The following KLHL8 variants were observed in gnomAD, a reference collection of about 807,000 sequenced individuals.
KLHL8 encodes kelch-like protein 8.
KLHL8 carries 38 observed loss-of-function variants against 63.5 expected under a neutral mutation model. The ratio of observed to expected loss-of-function variants is 0.60; its 90% confidence interval spans 0.46 to 0.78. The LOEUF is 0.78. Ranked by LOEUF, KLHL8 falls within the 30% of genes least tolerant of loss-of-function variation. The pLI is 0.00. For missense variants in KLHL8, 566 were observed against 752.4 expected (o/e 0.75, Z 2.90); for synonymous variants, 224 against 254.3 (o/e 0.88, Z 1.13).
intron 6 of KLHL8, among the ~76,000 whole-genome samples, chr4:87,174,402 C>A (rs571272735): frequency 2.0e-5 from 3 of 151,928 alleles, no homozygotes; most frequent in East Asian, 3.9e-4. Context: ...CCTTAGCCTC[C>A]GCAGCAGCTG....
chr4:87,194,921 T>A (rs1731634878), intron 2 of KLHL8, among the ~76,000 whole-genome samples: 1 of 152,164 alleles, frequency 6.6e-6, no homozygotes, highest in East Asian at 1.9e-4. Flanking sequence ...TATAGCTGAG[T>A]AAACAATCCA....
Position 87,226,899 on chromosome 4 carries a change from AATATATAATATATAAATAAT to A in KLHL8, n.58-5529_58-5510del, listed in dbSNP as rs1364464283. 1.9e-3 allele frequency among the ~76,000 whole-genome samples: 73 copies of A among 37,778 alleles called. 24 individuals are homozygous for A. Among genetic ancestry groups the A allele is most frequent in the African/African-American group, 5.8e-3 (54 of 9,330 alleles). 24.8% of individuals were successfully genotyped at this position (37,778 alleles called of 152,430 possible). ...TAAATAATATATATTATATATAAAT[AATATATAATATATAAATAAT>A]ATATATATTATATATAAATAATATA... On this transcript the variant is annotated intron_variant and non_coding_transcript_variant, in intron 1 of 1. Coordinates refer to the KLHL8 transcript ENST00000506274.
chr4:87,212,549 C>G lies in KLHL8; in HGVS notation c.-152+7869G>C, dbSNP rs576472026. ...TGAGCCATGATCTTGCCAGTGGACTCCAGCCTAAGCGACACAGTGAGACCT... is the reference window on the plus strand; with the variant it reads ...TGAGCCATGATCTTGCCAGTGGACTGCAGCCTAAGCGACACAGTGAGACCT... On this transcript the variant is annotated intron_variant, in intron 1 of 9. Transcript: ENST00000273963. 4.6e-5 allele frequency among the ~76,000 whole-genome samples: 7 copies of G among 151,964 alleles called. No homozygotes were observed. The South Asian group carries it at 1.5e-3, about 32-fold the overall frequency.
At chr4:87,218,045 T>A (rs1419770561) in intron 1 of KLHL8, among the ~76,000 whole-genome samples, 1 of 152,156 alleles carries the variant, frequency 6.6e-6, no homozygotes, top group Non-Finnish European at 1.5e-5. Context: ...ATCCTAACTG[T>A]GGATGTGATA....
chr4:87,237,518 T>C (rs1192887857), intron 1 of KLHL8, among the ~76,000 whole-genome samples: 2 of 152,174 alleles, frequency 1.3e-5, no homozygotes, highest in African/African-American at 4.8e-5. Context: ...AACATACTGA[T>C]GCAGTCATTG....
chr4:87,171,026 C>A (rs2149830851), intron 6 of KLHL8, among the ~76,000 whole-genome samples: 1 of 152,230 alleles, frequency 6.6e-6, no homozygotes, highest in East Asian at 1.9e-4. Context: ...TTACAGAGCT[C>A]ATTTTGTTGC....
intron 1 of KLHL8, among the ~76,000 whole-genome samples, chr4:87,231,097 G>A (rs1410688641): frequency 2.0e-5 from 3 of 152,064 alleles, no homozygotes; most frequent in South Asian, 2.1e-4. Flanking sequence ...CCCTGAAAGC[G>A]GATTTCAACC....
intron 8 of KLHL8, among the ~76,000 whole-genome samples, chr4:87,165,005 T>C (rs529029000): frequency 6.9e-4 from 104 of 151,734 alleles, no homozygotes; most frequent in East Asian, 3.9e-3. Context: ...AAAAATTAGC[T>C]GGGCATGGTG....
At chr4:87,222,257 A>G (rs1436656674), upstream of KLHL8, among the ~76,000 whole-genome samples, 1 of 152,214 alleles carries the variant, frequency 6.6e-6, no homozygotes, top group East Asian at 1.9e-4. Flanking sequence ...GTATGGGCTC[A>G]ACACACTTTT....
chr4:87,220,162 G>C (rs926551258), intron 1 of KLHL8: 2 of 152,596 alleles, frequency 1.3e-5, no homozygotes, highest in Non-Finnish European at 2.9e-5. Context: ...CCGCCAATGG[G>C]GGCGACAAAA....
At chr4:87,234,066 A>T (rs1733184382) in intron 1 of KLHL8, among the ~76,000 whole-genome samples, 1 of 152,208 alleles carries the variant, frequency 6.6e-6, no homozygotes, top group Non-Finnish European at 1.5e-5. Flanking sequence ...AGATGTAGAG[A>T]TACTTTAAAG....
intron 7 of KLHL8, 56 bp downstream of exon 7, chr4:87,170,391 T>G: frequency 1.3e-6 from 2 of 1,527,328 alleles, no homozygotes; most frequent in Middle Eastern, 1.8e-4. Context: ...CCTTTCCTTA[T>G]TTTGGTTATG....
At chr4:87,230,559 A>G (rs1384986373) in intron 1 of KLHL8, among the ~76,000 whole-genome samples, 1 of 152,210 alleles carries the variant, frequency 6.6e-6, no homozygotes, top group Non-Finnish European at 1.5e-5. Flanking sequence ...TTAAACATAG[A>G]AATGCCTCTC....
In KLHL8 at chr4:87,185,236, T is replaced by C; in HGVS notation, c.765+15A>G. Reference sequence around the variant, plus strand: ...ATCACTTCATTTCTGTGTGAAATCTTATTTCAGCTCCTACCTGTGCAAGTG... The same window carrying C: ...ATCACTTCATTTCTGTGTGAAATCTCATTTCAGCTCCTACCTGTGCAAGTG... On this transcript the variant is annotated intron_variant, in intron 3 of 9. Transcript: ENST00000273963. 1 of 1,584,186 alleles carries C rather than the reference T, an allele frequency of 6.3e-7. No individual in the cohort carries two copies. The highest frequency in any genetic ancestry group is 1.8e-5 in the Admixed American group (1 of 56,248).
chr4:87,173,090 G>T (rs1286546765), intron 6 of KLHL8, among the ~76,000 whole-genome samples: 1 of 151,906 alleles, frequency 6.6e-6, no homozygotes, highest in East Asian at 1.9e-4. Flanking sequence ...CATGCTCTTT[G>T]CTCTCTTTCA....
chr4:87,164,528 A>C (rs969586158), intron 8 of KLHL8, among the ~76,000 whole-genome samples: 3 of 152,236 alleles, frequency 2.0e-5, no homozygotes, highest in African/African-American at 7.2e-5. Flanking sequence ...TAAAAGTTAA[A>C]GTTTTCCAAT....
At chr4:87,232,522 A>G (rs1483596583) in intron 1 of KLHL8, among the ~76,000 whole-genome samples, 1 of 152,246 alleles carries the variant, frequency 6.6e-6, no homozygotes, top group Admixed American at 6.5e-5. Flanking sequence ...CATAGCAAAT[A>G]CAAGAGTTTC....
intron 4 of KLHL8, among the ~76,000 whole-genome samples, chr4:87,182,228 C>CAAA (rs34458758): frequency 8.6e-4 from 58 of 67,386 alleles, no homozygotes; most frequent in Middle Eastern, 9.4e-3. Flanking sequence ...GACTCCGTCT[C>CAAA]AAAAAAAAAA....
chr4:87,209,578 T>A (rs753495464), intron 1 of KLHL8, among the ~76,000 whole-genome samples: 4 of 152,206 alleles, frequency 2.6e-5, no homozygotes, highest in Non-Finnish European at 5.9e-5. Context: ...AAAACAGGAC[T>A]GATAGCAAAA....
Sources: allele counts gnomAD v4.1 joint callset (sites outside exome capture counted in the v4.1 genomes callset), GRCh38; gene constraint gnomAD v4.1.1; transcripts MANE v1.5; gene names NCBI Gene and HGNC (gene_info 2026-07-23, HGNC 2026-07-21).